TBX20: variants seen among roughly 807,000 people sequenced by gnomAD.
TBX20 encodes T-box transcription factor 20, also known as T-box transcription factor TBX20.
In TBX20, 8 loss-of-function variants were observed where a neutral mutation model predicts 42.9. The observed-to-expected ratio is 0.19, with a 90% CI of 0.11 to 0.34. The LOEUF (loss-of-function observed/expected upper bound fraction) is 0.34. Among genes scored for constraint, TBX20 ranks in the 10% least tolerant of loss-of-function variants. The pLI is 1.00. For missense variants in TBX20, 411 were observed against 566.0 expected (o/e 0.73, Z 2.78); for synonymous variants, 198 against 222.8 (o/e 0.89, Z 0.99).
At chr7:35,208,152 C>G (rs1789431658) in intron 6 of TBX20, among the ~76,000 whole-genome samples, 1 of 152,034 alleles carries the variant, frequency 6.6e-6, no homozygotes, top group Admixed American at 6.5e-5. Context: ...TCTTGCATAT[C>G]CTTTCCAGAT....
chr7:35,234,886 A>C (rs916347573), intron 5 of TBX20, among the ~76,000 whole-genome samples: 2 of 152,096 alleles, frequency 1.3e-5, no homozygotes, highest in African/African-American at 4.8e-5. Flanking sequence ...GGGTATTAAT[A>C]ATTAGCAGCA....
chr7:35,229,961 G>A (rs1370099683), intron 6 of TBX20, among the ~76,000 whole-genome samples: 2 of 152,110 alleles, frequency 1.3e-5, no homozygotes, highest in African/African-American at 4.8e-5. Context: ...CCCAGGAAAA[G>A]GCAGAGGTGA....
rs59548164 is a variant in TBX20, at chr7:35,213,877, C to CAAAAAAAAAAAAA, written c.891-9308_891-9296dup. On this transcript the variant is annotated intron_variant, in intron 6 of 7. Transcript: ENST00000408931. ...TATGAACAAGGAATTGCAGAGATAG[C>CAAAAAAAAAAAAA]AAAAAAAAAAAAAAAAAAAAAAAAT... Among the ~76,000 whole-genome samples, 177 of 59,734 alleles carry CAAAAAAAAAAAAA rather than the reference C, an allele frequency of 3.0e-3. 9 individuals are homozygous for CAAAAAAAAAAAAA. The highest frequency in any genetic ancestry group is 0.011 in the African/African-American group (167 of 14,768). The allele number at this position is 59,734 out of a possible 152,430, so 39.2% of individuals were successfully genotyped here.
chr7:35,238,695 C>T (rs1298083117), intron 5 of TBX20, among the ~76,000 whole-genome samples: 5 of 152,152 alleles, frequency 3.3e-5, no homozygotes, highest in African/African-American at 1.2e-4. Flanking sequence ...CGCAGAGAAA[C>T]AGCATTAGTG....
At chr7:35,232,507 C>T (rs1002326109) in intron 5 of TBX20, among the ~76,000 whole-genome samples, 1 of 152,212 alleles carries the variant, frequency 6.6e-6, no homozygotes, top group Non-Finnish European at 1.5e-5. Context: ...CAGATAATCA[C>T]ACACAGACTC....
At chr7:35,221,897 G>T (rs1332060577) in intron 6 of TBX20, among the ~76,000 whole-genome samples, 2 of 152,130 alleles carry the variant, frequency 1.3e-5, no homozygotes, top group East Asian at 1.9e-4. Flanking sequence ...TGATAAGAAA[G>T]ACCAAGGGCT....
chr7:35,253,473 C>CTG (rs757506243), intron 1 of TBX20, 21 bp downstream of exon 1: 4 of 1,604,538 alleles, frequency 2.5e-6, no homozygotes, highest in Non-Finnish European at 3.4e-6. Context: ...CCTCGGCGGA[C>CTG]AGCCGGGTAG....
In TBX20 at chr7:35,204,547, T is replaced by C. The variant is rs749485765; in HGVS notation, c.926A>G (p.Tyr309Cys). 11 of 1,614,016 alleles carry C rather than the reference T, an allele frequency of 6.8e-6. 1 individual carries two copies. In the South Asian group the frequency reaches 1.1e-4, roughly 16 times the overall value. Residue 309 changes from tyrosine to cysteine, a missense_variant, in exon 7 of 8, where the codon TAT (tyrosine) becomes TGT (cysteine). This residue lies in a region of TBX20 where 162 missense variants were observed against 205.4 expected (regional missense o/e 0.79). Coordinates refer to ENST00000408931, the MANE Select transcript of TBX20 (RefSeq NM_001077653.2). ...SVESLIQKHS[Y>C]ARSPIRTYGG... is the part of the protein sequence containing the mutation. ...GTAGGTACGGATGGGTGAGCGTGCA[T>C]AGGAATGCTTTTGAATCAGGCTCTC...
In TBX20 at chr7:35,215,430, C is replaced by T. The variant is rs1227560458; in HGVS notation, c.891-10848G>A. On this transcript the variant is annotated intron_variant, in intron 6 of 7. Transcript: ENST00000408931. ...GAGAAGTGCAAAGAATCTGTTTAGC[C>T]TGGAAGCCCACTGTGAGAATTTCTA... Among the ~76,000 whole-genome samples, 3 of 152,136 alleles carry T rather than the reference C, an allele frequency of 2.0e-5. No individual in the cohort carries two copies. The East Asian group carries it at 5.8e-4, about 29-fold the overall frequency.
intron 6 of TBX20, among the ~76,000 whole-genome samples, chr7:35,218,586 T>G (rs1409958896): frequency 6.6e-6 from 1 of 152,208 alleles, no homozygotes; most frequent in Non-Finnish European, 1.5e-5. Flanking sequence ...TTTTACTATT[T>G]TTTTAATATG....
intron 1 of TBX20, 27 bp downstream of exon 1, chr7:35,253,467 G>A: frequency 6.2e-7 from 1 of 1,601,746 alleles, no homozygotes; most frequent in Non-Finnish European, 8.5e-7. Context: ...CCCAGTCCTC[G>A]GCGGACAGCC....
chr7:35,202,895 A>C, intron 7 of TBX20, 125 bp from the exon 8 acceptor site: 1 of 1,516,480 alleles, frequency 6.6e-7, no homozygotes, highest in South Asian at 1.2e-5. Context: ...AGAAAGACAA[A>C]CACATATGAG....
intron 6 of TBX20, among the ~76,000 whole-genome samples, chr7:35,216,756 T>G (rs1789597922): frequency 6.6e-6 from 1 of 152,178 alleles, no homozygotes; most frequent in Non-Finnish European, 1.5e-5. Flanking sequence ...ATTTACATTC[T>G]CATTTTCTCT....
intron 7 of TBX20, among the ~76,000 whole-genome samples, chr7:35,203,678 G>C (rs1789345490): frequency 6.6e-6 from 1 of 152,236 alleles, no homozygotes; most frequent in Middle Eastern, 3.2e-3. Context: ...GAAGTGAAAA[G>C]TTATATGCAC....
At chr7:35,204,609 T>A in intron 6 of TBX20, 27 bp from the exon 7 acceptor site, 1 of 1,551,308 alleles carries the variant, frequency 6.4e-7, no homozygotes, top group Non-Finnish European at 8.9e-7. Context: ...TATCACAGGT[T>A]AAGTAAAATG....
intron 3 of TBX20, 109 bp downstream of exon 3, chr7:35,248,568 G>T: frequency 2.4e-6 from 3 of 1,253,614 alleles, no homozygotes; most frequent in Admixed American, 1.7e-5. Flanking sequence ...ATGCTCTCTT[G>T]CCAGAGCCCG....
chr7:35,222,821 C>G (rs1031695350), intron 6 of TBX20, among the ~76,000 whole-genome samples: 2 of 151,634 alleles, frequency 1.3e-5, no homozygotes, highest in Non-Finnish European at 2.9e-5. Flanking sequence ...CCTTTGAGGC[C>G]TTGTCTGGAC....
At chr7:35,228,213 A>G (rs1789809119) in intron 6 of TBX20, among the ~76,000 whole-genome samples, 1 of 152,152 alleles carries the variant, frequency 6.6e-6, no homozygotes, top group African/African-American at 2.4e-5. Flanking sequence ...GTGACAGCAA[A>G]AAATCAGAAA....
Position 35,250,101 on chromosome 7 carries a change from G to A in TBX20, c.230C>T (p.Ser77Phe), listed in dbSNP as rs1179432793. The A allele has an allele frequency of 6.2e-7, 1 of 1,613,648 alleles. No individual in the cohort carries two copies. Among genetic ancestry groups the A allele is most frequent in the African/African-American group, 1.3e-5 (1 of 74,896 alleles). ...FGGGSGSSPSSSSLCTEPLIP... is the reference protein window; with the variant it reads ...FGGGSGSSPSFSSLCTEPLIP... ...CAGTGGCTCAGTGCACAGAGAGGAG[G>A]AGGACGGGCTGCTGCCACTGCCTCC... Residue 77 changes from serine to phenylalanine, a missense_variant, in exon 2 of 8, where the codon TCC (serine) becomes TTC (phenylalanine). Ser to Phe is a radical substitution (Grantham distance 155, BLOSUM62 -2). Coordinates refer to ENST00000408931, the MANE Select transcript of TBX20 (RefSeq NM_001077653.2).
Sources: allele counts gnomAD v4.1 joint callset (sites outside exome capture counted in the v4.1 genomes callset), GRCh38; gene constraint gnomAD v4.1.1; regional missense constraint gnomAD v4.1.1; transcripts MANE v1.5; gene names NCBI Gene and HGNC (gene_info 2026-07-23, HGNC 2026-07-21).